The following GALNT18 variants were observed in gnomAD, a reference collection of about 807,000 sequenced individuals.
GALNT18 encodes polypeptide N-acetylgalactosaminyltransferase 18, also known as GalNAc-transferase 18.
In GALNT18, 44 loss-of-function variants were observed where a neutral mutation model predicts 69.5. The observed-to-expected ratio is 0.63, with a 90% CI of 0.50 to 0.81. GALNT18 has a LOEUF of 0.81. Ranked by LOEUF, GALNT18 falls within the 40% of genes least tolerant of loss-of-function variation. GALNT18 has a pLI of 0.00. For missense variants in GALNT18, 715 were observed against 810.0 expected (o/e 0.88, Z 1.42); for synonymous variants, 364 against 318.2 (o/e 1.14, Z -1.53).
At chr11:11,528,276 G>A (rs976406263) in intron 1 of GALNT18, among the ~76,000 whole-genome samples, 2 of 152,196 alleles carry the variant, frequency 1.3e-5, no homozygotes, top group African/African-American at 4.8e-5. Flanking sequence ...AGAGTACTTA[G>A]GTAGAATTGC....
At chr11:11,353,640 A>G (rs1183143604) in intron 6 of GALNT18, among the ~76,000 whole-genome samples, 2 of 152,188 alleles carry the variant, frequency 1.3e-5, no homozygotes, top group African/African-American at 2.4e-5. Flanking sequence ...CAAATCCCAC[A>G]CATATGAATG....
chr11:11,481,400 G>C (rs1343926826), intron 1 of GALNT18, among the ~76,000 whole-genome samples: 1 of 152,170 alleles, frequency 6.6e-6, no homozygotes, highest in Non-Finnish European at 1.5e-5. Flanking sequence ...CCTGGTAAGG[G>C]GGAAACATGA....
intron 1 of GALNT18, among the ~76,000 whole-genome samples, chr11:11,483,278 C>T (rs1173234847): frequency 6.6e-6 from 1 of 152,184 alleles, no homozygotes; most frequent in Non-Finnish European, 1.5e-5. Context: ...TGGGCAGCTT[C>T]CCCTGATTCC....
chr11:11,353,777 G>A (rs1211616251), intron 6 of GALNT18, among the ~76,000 whole-genome samples: 2 of 152,128 alleles, frequency 1.3e-5, no homozygotes, highest in Non-Finnish European at 1.5e-5. Context: ...GATAAGCCAG[G>A]AGGGTTCTTT....
At chr11:11,423,099 C>T (rs1855048171) in intron 3 of GALNT18, among the ~76,000 whole-genome samples, 1 of 152,196 alleles carries the variant, frequency 6.6e-6, no homozygotes, top group East Asian at 1.9e-4. Context: ...CATCCACCCA[C>T]AAGCACACTC....
chr11:11,410,791 T>C (rs1157376043), intron 3 of GALNT18, among the ~76,000 whole-genome samples: 1 of 152,138 alleles, frequency 6.6e-6, no homozygotes, highest in Non-Finnish European at 1.5e-5. Flanking sequence ...TCTCCAGAAA[T>C]GCAGCAGCCC....
intron 10 of GALNT18, among the ~76,000 whole-genome samples, chr11:11,283,086 G>A (rs1849117851): frequency 6.6e-6 from 1 of 152,134 alleles, no homozygotes; most frequent in Non-Finnish European, 1.5e-5. Flanking sequence ...CTTGGGGTTA[G>A]TGGGAGGAGA....
chr11:11,272,378 C>A (rs940930122), intron 10 of GALNT18, among the ~76,000 whole-genome samples: 1 of 152,182 alleles, frequency 6.6e-6, no homozygotes, highest in Non-Finnish European at 1.5e-5. Context: ...TGTGTCAGCT[C>A]CCTAATGGAT....
chr11:11,503,457 C>T (rs1028836453), intron 1 of GALNT18, among the ~76,000 whole-genome samples: 1 of 152,158 alleles, frequency 6.6e-6, no homozygotes, highest in African/African-American at 2.4e-5. Context: ...CTGCAATTTC[C>T]AGTTTTACCT....
intron 8 of GALNT18, among the ~76,000 whole-genome samples, chr11:11,329,613 T>C (rs1227622387): frequency 6.6e-6 from 1 of 152,212 alleles, no homozygotes; most frequent in Non-Finnish European, 1.5e-5. Context: ...TTTCTCAGGG[T>C]AGCACTTAGC....
intron 1 of GALNT18, among the ~76,000 whole-genome samples, chr11:11,551,762 C>T (rs1272533687): frequency 6.6e-6 from 1 of 152,160 alleles, no homozygotes; most frequent in Non-Finnish European, 1.5e-5. Context: ...CACCAGGATG[C>T]AGGCGGGCTG....
In GALNT18 at chr11:11,469,952, G is replaced by C. The variant is rs1447298400; in HGVS notation, c.236-21016C>G. Among the ~76,000 whole-genome samples, 1 of 152,188 alleles carries C rather than the reference G, an allele frequency of 6.6e-6. No individual in the cohort carries two copies. The highest frequency in any genetic ancestry group is 6.5e-5 in the Admixed American group (1 of 15,284). On this transcript the variant is annotated intron_variant, in intron 1 of 10. Transcript: ENST00000227756. This position sits in a 1 kb window ranked among gnomAD's most constrained non-coding sequence, Gnocchi z 4.2. ...GTCACAAGCTTTCCAAAACATCACTGGTCTCCAAGAGGATTTTGTTCTTTG... is the reference window on the plus strand; with the variant it reads ...GTCACAAGCTTTCCAAAACATCACTCGTCTCCAAGAGGATTTTGTTCTTTG...
chr11:11,332,909 T>C lies in GALNT18; in HGVS notation c.1279-78A>G. ...CCCCAAACTCTACTTTGGCATGACC[T>C]TGTGCCCCCAACAAGATTCCTAGAG... On this transcript the variant is annotated intron_variant, in intron 7 of 10. Coordinates refer to ENST00000227756, the MANE Select transcript of GALNT18 (RefSeq NM_198516.3). This position sits in a 1 kb window ranked among gnomAD's most constrained non-coding sequence, Gnocchi z 4.3. The C allele has an allele frequency of 2.6e-6, 4 of 1,520,336 alleles. No individual in the cohort carries two copies. The highest frequency in any genetic ancestry group is 3.6e-6 in the Non-Finnish European group (4 of 1,110,950). The allele number at this position is 1,520,336 out of a possible 1,614,324, so 94.2% of individuals were successfully genotyped here.
rs1849517791 is a variant in GALNT18, at chr11:11,302,669, T to C, written c.1513-9476A>G. On this transcript the variant is annotated intron_variant, in intron 9 of 10. Coordinates refer to ENST00000227756, the MANE Select transcript of GALNT18 (RefSeq NM_198516.3). ...AGGCCAGGCCTCAGCGGTTGAAGAA[T>C]TGGGCTTGGCTCAGGGAAAGGATAT... Among the ~76,000 whole-genome samples, 5 of 152,296 alleles carry C rather than the reference T, an allele frequency of 3.3e-5. No individual in the cohort carries two copies. The South Asian group carries it at 1.0e-3, about 32-fold the overall frequency.
rs74561808 is a variant in GALNT18 at position 11,579,060 on chromosome 11, G to A, written c.235+42299C>T. 3.6e-3 allele frequency among the ~76,000 whole-genome samples: 552 copies of A among 152,320 alleles called. 7 individuals are homozygous for A. The highest frequency in any genetic ancestry group is 0.013 in the African/African-American group (535 of 41,572). On this transcript the variant is annotated intron_variant, in intron 1 of 10. Coordinates refer to ENST00000227756, the MANE Select transcript of GALNT18 (RefSeq NM_198516.3). ...AAAAAACAAAGACAGCCAAGAGGGC[G>A]GCTCGGGTTTCCCAGCCAGCAGCAC...
rs1854533680 is a variant in GALNT18, at chr11:11,404,176, G to T, written c.596-24912C>A. On this transcript the variant is annotated intron_variant, in intron 3 of 10. Transcript: ENST00000227756. This position sits in a 1 kb window ranked among gnomAD's most constrained non-coding sequence, Gnocchi z 4.5. ...CTTTCTCTTCCGTAAAGGAGTGAGT[G>T]TCTAGGGGAGTTCATGCGTGCACGG... Among the ~76,000 whole-genome samples, 1 of 152,216 alleles carries T rather than the reference G, an allele frequency of 6.6e-6. No homozygotes were observed. Among genetic ancestry groups the T allele is most frequent in the South Asian group, 2.1e-4 (1 of 4,830 alleles).
intron 6 of GALNT18, among the ~76,000 whole-genome samples, chr11:11,349,224 T>C (rs1198882797): frequency 6.6e-6 from 1 of 152,220 alleles, no homozygotes; most frequent in Non-Finnish European, 1.5e-5. Context: ...GACAGTCTTG[T>C]TTCCGGTATT....
rs372517004 is a variant in GALNT18, at chr11:11,415,242, G to A, written c.595+17379C>T. 9.9e-5 allele frequency among the ~76,000 whole-genome samples: 15 copies of A among 152,244 alleles called. No homozygotes were observed. Among genetic ancestry groups the A allele is most frequent in the East Asian group, 3.9e-4 (2 of 5,174 alleles). On this transcript the variant is annotated intron_variant, in intron 3 of 10. Transcript: ENST00000227756. The surrounding 1 kb of genome is among the most constrained non-coding windows in gnomAD (Gnocchi z 4.1). ...CCAACCGATTGGGGACCTTAATTACGTCAGCCAATTCCCCTCACAGCAGGA... is the reference window on the plus strand; with the variant it reads ...CCAACCGATTGGGGACCTTAATTACATCAGCCAATTCCCCTCACAGCAGGA...
In GALNT18 at chr11:11,459,762, A is replaced by G. The variant is rs1856000381; in HGVS notation, c.236-10826T>C. ...ATCAGATAGGTGGTAAAGTGTATTAATAGTTTCCTATGGTGCTCTAGCAAA... is the reference window on the plus strand; with the variant it reads ...ATCAGATAGGTGGTAAAGTGTATTAGTAGTTTCCTATGGTGCTCTAGCAAA... On this transcript the variant is annotated intron_variant, in intron 1 of 10. Transcript: ENST00000227756. The surrounding 1 kb of genome is among the most constrained non-coding windows in gnomAD (Gnocchi z 5.0). Among the ~76,000 whole-genome samples, 1 of 152,254 alleles carries G rather than the reference A, an allele frequency of 6.6e-6. No homozygotes were observed. Among genetic ancestry groups the G allele is most frequent in the Non-Finnish European group, 1.5e-5 (1 of 68,048 alleles).
Sources: allele counts gnomAD v4.1 joint callset (sites outside exome capture counted in the v4.1 genomes callset), GRCh38; gene constraint gnomAD v4.1.1; non-coding constraint Gnocchi (gnomAD v3.1); transcripts MANE v1.5; gene names NCBI Gene and HGNC (gene_info 2026-07-23, HGNC 2026-07-21).